HTR2C: variants seen among roughly 807,000 people sequenced by gnomAD.
The protein encoded by HTR2C is 5-hydroxytryptamine (serotonin) receptor 2C, G protein-coupled.
HTR2C carries 5 observed loss-of-function variants against 21.0 expected under a neutral mutation model. That is an observed-to-expected ratio of 0.24 (90% CI 0.12 to 0.50). HTR2C has a LOEUF of 0.50. Ranked by LOEUF, HTR2C falls within the 20% of genes least tolerant of loss-of-function variation. HTR2C has a pLI of 0.98. For synonymous variants in HTR2C, 150 were observed against 145.3 expected, an observed-to-expected ratio of 1.03 and a Z score of -0.23; for missense variants, 271 against 371.2, an observed-to-expected ratio of 0.73 and a Z score of 2.22.
chrX:114,824,269 G>A (rs1308398657), intron 4 of HTR2C, among the ~76,000 whole-genome samples: 2 of 111,555 alleles, frequency 1.8e-5, no homozygotes, highest in African/African-American at 6.5e-5. Flanking sequence ...AGGAAATATC[G>A]AGAGCAGGGC....
chrX:114,719,927 C>CTCTA (rs1556420370), intron 2 of HTR2C, among the ~76,000 whole-genome samples: 1 of 111,528 alleles, frequency 9.0e-6, no homozygotes, highest in Non-Finnish European at 1.9e-5. Flanking sequence ...GCATATTTCA[C>CTCTA]TCTATCTTTG....
chrX:114,707,459 A>T (rs1215310879), intron 2 of HTR2C, among the ~76,000 whole-genome samples: 1 of 111,724 alleles, frequency 9.0e-6, no homozygotes, highest in Non-Finnish European at 1.9e-5. Context: ...GTTTATAAAT[A>T]TGTATTACAA....
rs868913678 is a variant in HTR2C at position 114,679,391 on chromosome X, G to A, written c.-79-47467G>A. ...CCTCCCAGGTTCAAGTGATTCTCTC[G>A]CCTCAGCCTCCTAAGTAGCTGGGCT... is the stretch of plus-strand genomic sequence containing the variant. On this transcript the variant is annotated intron_variant, in intron 2 of 5. Transcript: ENST00000276198. 4.0e-4 allele frequency among the ~76,000 whole-genome samples: 44 copies of A among 110,294 alleles called. 1 individual carries two copies. The highest frequency in any genetic ancestry group is 3.0e-3 in the Admixed American group (31 of 10,198).
In HTR2C at chrX:114,906,901, G is replaced by A. The variant is rs782814171; in HGVS notation, c.863G>A (p.Arg288Gln). 7 of 1,208,707 alleles carry A rather than the reference G, an allele frequency of 5.8e-6. No homozygotes were observed. The highest frequency in any genetic ancestry group is 2.2e-5 in the Admixed American group (1 of 45,591). Residue 288 changes from arginine to glutamine, a missense_variant, in exon 6 of 6, where the codon CGA (arginine) becomes CAA (glutamine). By Grantham distance (43) the Arg-to-Gln change is conservative. Transcript: ENST00000276198. ...ANPNQDQNAR[R>Q]RKKKERRPRG... Reference sequence around the variant, plus strand: ...CCTAACCAAGACCAGAACGCACGCCGAAGAAAGAAGAAGGAGAGACGTCCT... The same window carrying A: ...CCTAACCAAGACCAGAACGCACGCCAAAGAAAGAAGAAGGAGAGACGTCCT...
intron 4 of HTR2C, among the ~76,000 whole-genome samples, chrX:114,791,475 A>G (rs1484226867): frequency 9.0e-6 from 1 of 111,662 alleles, no homozygotes; most frequent in East Asian, 2.8e-4. Context: ...GGTATGGGGT[A>G]GAAGAAAGAA....
intron 4 of HTR2C, among the ~76,000 whole-genome samples, chrX:114,837,516 A>C (rs1223469089): frequency 2.7e-5 from 3 of 111,752 alleles, no homozygotes; most frequent in African/African-American, 9.7e-5. Flanking sequence ...TAAGATTTTT[A>C]ATGAATTTTG....
chrX:114,847,893 C>A, intron 4 of HTR2C, 110 bp from the exon 5 acceptor site: 1 of 557,583 alleles, frequency 1.8e-6, no homozygotes, highest in Non-Finnish European at 2.9e-6. Context: ...CTAAATTTCA[C>A]TTTCTTTAAA....
intron 2 of HTR2C, among the ~76,000 whole-genome samples, chrX:114,653,395 A>C (rs1249001627): frequency 1.8e-5 from 2 of 110,690 alleles, no homozygotes; most frequent in Non-Finnish European, 3.8e-5. Context: ...ATTTCCTCCT[A>C]GGACATCTTT....
At position 114,638,009 on chromosome X, in the gene HTR2C, G is replaced by C. The variant is rs782264758; in HGVS notation, c.-80+24128G>C. Among the ~76,000 whole-genome samples the C allele has an allele frequency of 4.5e-5, 5 of 111,769 alleles. No individual in the cohort carries two copies. In the South Asian group the frequency reaches 1.9e-3, roughly 42 times the overall value. ...CAGGGACAGAAATAATAAGAAAATA[G>C]ATCTGCATCCATTGTGGTTCAGGGT... On this transcript the variant is annotated intron_variant, in intron 2 of 5. Transcript: ENST00000276198.
intron 1 of HTR2C, among the ~76,000 whole-genome samples, chrX:114,606,749 G>A (rs1468276166): frequency 9.0e-6 from 1 of 111,670 alleles, no homozygotes; most frequent in East Asian, 2.8e-4. Context: ...ACAGGGGATT[G>A]ATCTCCCAAG....
intron 4 of HTR2C, among the ~76,000 whole-genome samples, chrX:114,770,587 G>A (rs1239772395): frequency 9.1e-6 from 1 of 110,457 alleles, no homozygotes; most frequent in African/African-American, 3.3e-5. Flanking sequence ...TATCTTTACT[G>A]ATTTTCTCTA....
chrX:114,780,953 A>G (rs1416083336), intron 4 of HTR2C, among the ~76,000 whole-genome samples: 1 of 111,567 alleles, frequency 9.0e-6, no homozygotes, highest in African/African-American at 3.3e-5. Flanking sequence ...AAAGAAAAAA[A>G]CTATAAGATG....
intron 2 of HTR2C, among the ~76,000 whole-genome samples, chrX:114,707,176 G>A (rs1442746228): frequency 9.0e-6 from 1 of 111,611 alleles, no homozygotes; most frequent in African/African-American, 3.3e-5. Context: ...ACTAATTTAA[G>A]TGCATACTAT....
chrX:114,640,860 C>T (rs782161637), intron 2 of HTR2C, among the ~76,000 whole-genome samples: 15 of 109,377 alleles, frequency 1.4e-4, no homozygotes, highest in African/African-American at 4.6e-4. Context: ...CTCCTTGTTT[C>T]GTTCTCTTTC....
At chrX:114,701,654 C>T (rs1335176089) in intron 2 of HTR2C, among the ~76,000 whole-genome samples, 3 of 112,145 alleles carry the variant, frequency 2.7e-5, no homozygotes, top group Non-Finnish European at 5.6e-5. Flanking sequence ...AGCAGAGCAC[C>T]TCTCCTCATC....
intron 5 of HTR2C, among the ~76,000 whole-genome samples, chrX:114,860,233 G>C (rs2147500689): frequency 9.0e-6 from 1 of 111,171 alleles, no homozygotes; most frequent in Admixed American, 9.6e-5. Context: ...AATCATCATG[G>C]ATTTGTCTAT....
intron 2 of HTR2C, among the ~76,000 whole-genome samples, chrX:114,630,526 T>C (rs1929569269): frequency 8.9e-6 from 1 of 112,046 alleles, no homozygotes; most frequent in African/African-American, 3.2e-5. Context: ...ACTGATTCCA[T>C]TTAATATATA....
At chrX:114,620,134 C>T (rs782668355) in intron 2 of HTR2C, among the ~76,000 whole-genome samples, 19 of 111,643 alleles carry the variant, frequency 1.7e-4, no homozygotes, top group African/African-American at 5.5e-4. Flanking sequence ...TAACTAAGAC[C>T]TCAACAAAGG....
intron 5 of HTR2C, among the ~76,000 whole-genome samples, chrX:114,873,395 G>A (rs1226526754): frequency 9.1e-6 from 1 of 110,154 alleles, no homozygotes; most frequent in Non-Finnish European, 1.9e-5. Context: ...GTTGCTTTAG[G>A]GTTTTTTCAT....
Sources: allele counts gnomAD v4.1 joint callset (sites outside exome capture counted in the v4.1 genomes callset), GRCh38; gene constraint gnomAD v4.1.1; transcripts MANE v1.5; gene names NCBI Gene and HGNC (gene_info 2026-07-23, HGNC 2026-07-21).